PDZD8: variants seen among roughly 807,000 people sequenced by gnomAD.
PDZD8 encodes the protein PDZ domain-containing protein 8.
A neutral mutation model predicts 85.8 loss-of-function variants in PDZD8; 14 were observed. The observed-to-expected ratio is 0.16, with a 90% CI of 0.11 to 0.26. The LOEUF is 0.26. Among genes scored for constraint, PDZD8 ranks in the 10% least tolerant of loss-of-function variants. The pLI is 1.00. For synonymous variants in PDZD8, 592 were observed against 568.6 expected (o/e 1.04, Z -0.59); for missense variants, 1,197 against 1,424.3 (o/e 0.84, Z 2.57).
chr10:117,374,341 C>A lies in PDZD8; in HGVS notation c.872+15G>T. The A allele has an allele frequency of 6.2e-7, 1 of 1,608,774 alleles. No homozygotes were observed. Among genetic ancestry groups the A allele is most frequent in the South Asian group, 1.1e-5 (1 of 90,762 alleles). On this transcript the variant is annotated intron_variant, in intron 1 of 4. Coordinates refer to ENST00000334464, the MANE Select transcript of PDZD8 (RefSeq NM_173791.5). The surrounding 1 kb of genome is among the most constrained non-coding windows in gnomAD (Gnocchi z 7.8). The stretch of plus-strand genomic sequence containing the variant: ...GTTCCCGGCAGCCAGGCCCCCTCCC[C>A]GACCTCCAGCTCACCTGATCTTGTA...
At position 117,277,350 on chromosome 10, in the gene PDZD8, T is replaced by A; in HGVS notation, c.*5918A>T. The A allele has an allele frequency of 2.6e-6, 2 of 778,954 alleles. 1 individual carries two copies. Among genetic ancestry groups the A allele is most frequent in the South Asian group, 3.6e-5 (2 of 55,660 alleles). 48.3% of individuals were successfully genotyped at this position (778,954 alleles called of 1,614,324 possible). On this transcript the variant is annotated 3_prime_UTR_variant, in exon 5 of 5. Transcript: ENST00000334464. ...CACAACTCATCCAGAACTGTCTTAG[T>A]CATACCATCCATCCCTGGTGAAAGA...
intron 1 of PDZD8, among the ~76,000 whole-genome samples, chr10:117,342,224 T>C (rs1455862200): frequency 6.6e-6 from 1 of 152,216 alleles, no homozygotes; most frequent in African/African-American, 2.4e-5. Flanking sequence ...AAAAAACTTT[T>C]AATTTAAAAC....
In PDZD8 at chr10:117,375,247, G is replaced by C. The variant is rs1462375139; in HGVS notation, c.-20C>G. ...CCCCATCCCGCCACCGCCTCCGCCC[G>C]GGCCCCTACTCCCGCGCCCACAGCG... On this transcript the variant is annotated 5_prime_UTR_variant, in exon 1 of 5. Coordinates refer to ENST00000334464, the MANE Select transcript of PDZD8 (RefSeq NM_173791.5). The C allele has an allele frequency of 1.4e-6, 2 of 1,448,956 alleles. No homozygotes were observed. The highest frequency in any genetic ancestry group is 2.5e-5 in the East Asian group (1 of 39,220). The allele number at this position is 1,448,956 out of a possible 1,614,324, so 89.8% of individuals were successfully genotyped here.
At position 117,283,567 on chromosome 10, in the gene PDZD8, AATT is replaced by A. The variant is rs1374212740; in HGVS notation, c.3163_3165del (p.Asn1055del). 8 of 1,613,970 alleles carry A rather than the reference AATT, an allele frequency of 5.0e-6. No individual in the cohort carries two copies. The highest frequency in any genetic ancestry group is 6.8e-6 in the Non-Finnish European group (8 of 1,180,024). On this transcript the variant is annotated inframe_deletion, in exon 5 of 5. Transcript: ENST00000334464. ...GTCTCTTTTTCTTCTCTAACAAGGG[AATT>A]ATTGTGTTCCAACTCCTGATCAATT...
intron 1 of PDZD8, among the ~76,000 whole-genome samples, chr10:117,349,336 GA>G (rs1487524403): frequency 6.6e-6 from 1 of 152,054 alleles, no homozygotes; most frequent in African/African-American, 2.4e-5. Flanking sequence ...TTTGATAAGA[GA>G]AAAAAATATT....
In PDZD8 at chr10:117,279,919, A is replaced by G. The variant is rs926040613; in HGVS notation, c.*3349T>C. On this transcript the variant is annotated 3_prime_UTR_variant, in exon 5 of 5. Transcript: ENST00000334464. Reference sequence around the variant, plus strand: ...CCTTCTTTTGGTAAGAAAAGCAATTATGTCAATTTAGAAGACAGTATTTTT... The same window carrying G: ...CCTTCTTTTGGTAAGAAAAGCAATTGTGTCAATTTAGAAGACAGTATTTTT... 2 of 152,226 alleles carry G rather than the reference A, an allele frequency of 1.3e-5. No homozygotes were observed. The highest frequency in any genetic ancestry group is 2.9e-5 in the Non-Finnish European group (2 of 68,038). 9.4% of individuals were successfully genotyped at this position (152,226 alleles called of 1,614,324 possible).
intron 1 of PDZD8, among the ~76,000 whole-genome samples, chr10:117,368,941 C>T (rs1446785811): frequency 1.3e-5 from 2 of 149,954 alleles, no homozygotes; most frequent in East Asian, 2.0e-4. Flanking sequence ...CTGCAACCTC[C>T]GCCTCCTGGG....
rs776770926 is a variant in PDZD8, at chr10:117,283,701, C to A, written c.3032G>T (p.Ser1011Ile). 1 of 1,614,208 alleles carries A rather than the reference C, an allele frequency of 6.2e-7. No individual in the cohort carries two copies. The highest frequency in any genetic ancestry group is 8.5e-7 in the Non-Finnish European group (1 of 1,180,042). Residue 1011 changes from serine to isoleucine, a missense_variant, in exon 5 of 5, where the codon AGT becomes ATT. By Grantham distance (142) the Ser-to-Ile change is moderately radical. Coordinates refer to ENST00000334464, the MANE Select transcript of PDZD8 (RefSeq NM_173791.5). Reference sequence around the variant, plus strand: ...AATTTCTTTAACTGCAATGAAAACACTGTCATCCAGACCACCCTCTTTTCT... The same window carrying A: ...AATTTCTTTAACTGCAATGAAAACAATGTCATCCAGACCACCCTCTTTTCT... The part of the protein sequence containing the change: ...LVRKEGGLDD[S>I]VFIAVKEIGR...
intron 1 of PDZD8, among the ~76,000 whole-genome samples, chr10:117,368,772 A>G (rs1366397882): frequency 6.6e-6 from 1 of 151,800 alleles, no homozygotes; most frequent in East Asian, 1.9e-4. Context: ...ACTACATGGT[A>G]GAAAAATGGA....
At chr10:117,329,815 G>A (rs1280241356) in intron 2 of PDZD8, among the ~76,000 whole-genome samples, 1 of 151,290 alleles carries the variant, frequency 6.6e-6, no homozygotes, top group African/African-American at 2.4e-5. Context: ...GTATGGTGGT[G>A]TATGCCTGTA....
intron 1 of PDZD8, among the ~76,000 whole-genome samples, chr10:117,348,292 C>T (rs763894614): frequency 6.6e-5 from 10 of 152,202 alleles, no homozygotes; most frequent in Non-Finnish European, 1.5e-4. Context: ...GAAAAACAAA[C>T]ATTTATTGAA....
chr10:117,288,297 A>G (rs1844699472), intron 4 of PDZD8, among the ~76,000 whole-genome samples: 1 of 152,310 alleles, frequency 6.6e-6, no homozygotes, highest in East Asian at 1.9e-4. Flanking sequence ...ACAACATGCT[A>G]AAAGAAATAA....
chr10:117,312,924 G>A (rs1005417806), intron 3 of PDZD8, among the ~76,000 whole-genome samples: 1 of 152,016 alleles, frequency 6.6e-6, no homozygotes, highest in African/African-American at 2.4e-5. Flanking sequence ...TTAAAATAAG[G>A]GTATAAAAAG....
At chr10:117,359,990 C>A (rs1273689991) in intron 1 of PDZD8, among the ~76,000 whole-genome samples, 2 of 149,884 alleles carry the variant, frequency 1.3e-5, no homozygotes, top group South Asian at 4.2e-4. Flanking sequence ...AATACTGTTA[C>A]AAAAAAAAAA....
chr10:117,336,035 T>C (rs571995167), intron 2 of PDZD8, among the ~76,000 whole-genome samples: 1 of 152,320 alleles, frequency 6.6e-6, no homozygotes, highest in East Asian at 1.9e-4. Context: ...TTTTGGAATA[T>C]TTGCTTATAT....
At chr10:117,337,170 T>C (rs185195765) in intron 2 of PDZD8, among the ~76,000 whole-genome samples, 146 of 152,314 alleles carry the variant, frequency 9.6e-4, no homozygotes, top group African/African-American at 3.2e-3. Context: ...CTCTTTTCCA[T>C]GTTTTTGATC....
intron 1 of PDZD8, among the ~76,000 whole-genome samples, chr10:117,351,640 C>G (rs2094844420): frequency 6.6e-6 from 1 of 152,080 alleles, no homozygotes; most frequent in African/African-American, 2.4e-5. Context: ...GATTAGTACA[C>G]TTTTCAGGTG....
chr10:117,361,962 C>T (rs1356865129), intron 1 of PDZD8, among the ~76,000 whole-genome samples: 1 of 152,064 alleles, frequency 6.6e-6, no homozygotes, highest in African/African-American at 2.4e-5. Context: ...ATATCAGGGA[C>T]TTGAGCATCT....
At chr10:117,334,345 A>G (rs1471966204) in intron 2 of PDZD8, among the ~76,000 whole-genome samples, 1 of 152,132 alleles carries the variant, frequency 6.6e-6, no homozygotes, top group African/African-American at 2.4e-5. Flanking sequence ...TTTCTCTACT[A>G]AAAATACAAA....
Sources: allele counts gnomAD v4.1 joint callset (sites outside exome capture counted in the v4.1 genomes callset), GRCh38; gene constraint gnomAD v4.1.1; non-coding constraint Gnocchi (gnomAD v3.1); transcripts MANE v1.5; gene names NCBI Gene and HGNC (gene_info 2026-07-23, HGNC 2026-07-21).